BCAR3: variants seen among roughly 807,000 people sequenced by gnomAD.
BCAR3 encodes the protein BCAR3 adaptor protein, NSP family member.
A neutral mutation model predicts 80.1 loss-of-function variants in BCAR3; 37 were observed. The ratio of observed to expected loss-of-function variants is 0.46; its 90% CI spans 0.36 to 0.61. The LOEUF (loss-of-function observed/expected upper bound fraction) is 0.61. Among genes scored for constraint, BCAR3 ranks in the 20% least tolerant of loss-of-function variants. BCAR3 has a pLI of 0.00. For missense variants in BCAR3, 978 were observed against 1,068.2 expected (o/e 0.92, Z 1.18); for synonymous variants, 389 against 418.9 (o/e 0.93, Z 0.87).
chr1:93,732,198 G>A (rs1465654473), intron 2 of BCAR3, among the ~76,000 whole-genome samples: 2 of 152,230 alleles, frequency 1.3e-5, no homozygotes, highest in Admixed American at 6.5e-5. Context: ...AGGGCCCTGG[G>A]GGTGAAACCT....
At chr1:93,577,956 C>G (rs541503905) in intron 7 of BCAR3, among the ~76,000 whole-genome samples, 23 of 152,352 alleles carry the variant, frequency 1.5e-4, no homozygotes, top group African/African-American at 5.5e-4. Context: ...GGATCCCAAG[C>G]TCACACCGCA....
intron 2 of BCAR3, among the ~76,000 whole-genome samples, chr1:93,728,258 T>C (rs1650661388): frequency 6.6e-6 from 1 of 152,204 alleles, no homozygotes; most frequent in African/African-American, 2.4e-5. Flanking sequence ...AGTGGCTCAC[T>C]TCCTTAGTAC....
intron 2 of BCAR3, among the ~76,000 whole-genome samples, chr1:93,658,028 C>T (rs931519013): frequency 3.4e-4 from 51 of 151,942 alleles, no homozygotes; most frequent in Non-Finnish European, 5.7e-4. Context: ...GTAACCTCCG[C>T]CTCCTGGGTT....
At chr1:93,784,214 A>C (rs1652865329) in intron 2 of BCAR3, among the ~76,000 whole-genome samples, 1 of 152,142 alleles carries the variant, frequency 6.6e-6, no homozygotes, top group Admixed American at 6.5e-5. Context: ...AAAAAAAAAA[A>C]AAGATTGACA....
At chr1:93,680,656 CT>C (rs1648709598) in intron 1 of BCAR3, among the ~76,000 whole-genome samples, 1 of 152,260 alleles carries the variant, frequency 6.6e-6, no homozygotes, top group Non-Finnish European at 1.5e-5. Flanking sequence ...GAATGCACGG[CT>C]CTACTTTCCA....
intron 2 of BCAR3, among the ~76,000 whole-genome samples, chr1:93,656,136 CTTTGACTGCT>C (rs1026570762): frequency 6.6e-6 from 1 of 152,104 alleles, no homozygotes; most frequent in African/African-American, 2.4e-5. Context: ...TTTCTTTGCC[CTTTGACTGCT>C]TTTGAGATCT....
intron 3 of BCAR3, chr1:93,594,655 C>CT (rs1199451816): frequency 6.6e-6 from 1 of 152,244 alleles, no homozygotes; most frequent in Admixed American, 6.5e-5. Flanking sequence ...GACCTGACCC[C>CT]CATTGAGTCA....
chr1:93,562,901 G>A (rs1270384649), intron 11 of BCAR3, among the ~76,000 whole-genome samples: 5 of 151,850 alleles, frequency 3.3e-5, no homozygotes, highest in Non-Finnish European at 7.4e-5. Context: ...ATAAGGGAGA[G>A]CAGAGCCCCA....
intron 2 of BCAR3, among the ~76,000 whole-genome samples, chr1:93,718,117 A>C (rs1418991822): frequency 6.6e-6 from 1 of 152,152 alleles, no homozygotes; most frequent in African/African-American, 2.4e-5. Context: ...TAAAATAATA[A>C]ATTTAAACAT....
At chr1:93,763,085 T>C (rs1041660915) in intron 2 of BCAR3, among the ~76,000 whole-genome samples, 1 of 152,168 alleles carries the variant, frequency 6.6e-6, no homozygotes, top group African/African-American at 2.4e-5. Context: ...TTTTGTTTTG[T>C]TTTTTGAGAC....
At position 93,763,695 on chromosome 1, in the gene BCAR3, C is replaced by A. The variant is rs138289627; in HGVS notation, c.-62-57553G>T. 2.8e-4 allele frequency among the ~76,000 whole-genome samples: 43 copies of A among 152,300 alleles called. 1 individual carries two copies. The East Asian group carries it at 7.7e-3, about 27-fold the overall frequency. ...CTCTCTCTCCAGACTCATCCATTTTCACTTGCCCACATGCAGCTTTGCTCC... is the reference window on the plus strand; with the variant it reads ...CTCTCTCTCCAGACTCATCCATTTTAACTTGCCCACATGCAGCTTTGCTCC... On this transcript the variant is annotated intron_variant, in intron 2 of 13. Coordinates refer to the BCAR3 transcript ENST00000370244.
At chr1:93,715,018 T>A (rs1268397416) in intron 2 of BCAR3, among the ~76,000 whole-genome samples, 1 of 152,222 alleles carries the variant, frequency 6.6e-6, no homozygotes, top group Non-Finnish European at 1.5e-5. Flanking sequence ...ACAAAACCTG[T>A]ACAGAATATT....
At position 93,602,842 on chromosome 1, in the gene BCAR3, G is replaced by A. The variant is rs944969305; in HGVS notation, c.358-10449C>T. ...CAAGTTTGAAGACCAGTTACTTCTA[G>A]TACGAGCCCTTGGGTGTTTTCATCT... On this transcript the variant is annotated intron_variant, in intron 3 of 11. Coordinates refer to ENST00000260502, the MANE Select transcript of BCAR3 (RefSeq NM_003567.4). Among the ~76,000 whole-genome samples the A allele has an allele frequency of 5.9e-5, 9 of 152,342 alleles. No homozygotes were observed. In the East Asian group the frequency reaches 7.7e-4, roughly 13 times the overall value.
At chr1:93,773,321 TG>T (rs1652426074) in intron 2 of BCAR3, among the ~76,000 whole-genome samples, 1 of 151,804 alleles carries the variant, frequency 6.6e-6, no homozygotes, top group South Asian at 2.1e-4. Context: ...ATTTCATAGG[TG>T]AAAAAAAAAT....
At chr1:93,740,296 C>T (rs974701848) in intron 2 of BCAR3, among the ~76,000 whole-genome samples, 1 of 152,196 alleles carries the variant, frequency 6.6e-6, no homozygotes, top group African/African-American at 2.4e-5. Context: ...CAGACACAGG[C>T]GTTAACAGCA....
At chr1:93,780,114 G>T (rs1652716237) in intron 2 of BCAR3, among the ~76,000 whole-genome samples, 1 of 152,100 alleles carries the variant, frequency 6.6e-6, no homozygotes, top group East Asian at 1.9e-4. Flanking sequence ...TTTCTTTTCT[G>T]TTCCCTTACA....
chr1:93,745,667 G>C (rs576945641), intron 2 of BCAR3, among the ~76,000 whole-genome samples: 3 of 152,286 alleles, frequency 2.0e-5, no homozygotes, highest in Admixed American at 6.5e-5. Context: ...AACCAGGTGT[G>C]GGGTGGGGAG....
chr1:93,631,336 G>C (rs753915610), intron 3 of BCAR3, among the ~76,000 whole-genome samples: 1 of 152,178 alleles, frequency 6.6e-6, no homozygotes, highest in Admixed American at 6.5e-5. Context: ...TTCCCAATAA[G>C]GTCACCATTC....
intron 2 of BCAR3, among the ~76,000 whole-genome samples, chr1:93,802,613 G>A (rs372637993): frequency 6.6e-6 from 1 of 152,202 alleles, no homozygotes; most frequent in Non-Finnish European, 1.5e-5. Flanking sequence ...AACTTCTGTG[G>A]GTTATGGAAG....
Sources: allele counts gnomAD v4.1 joint callset (sites outside exome capture counted in the v4.1 genomes callset), GRCh38; gene constraint gnomAD v4.1.1; transcripts MANE v1.5; gene names NCBI Gene and HGNC (gene_info 2026-07-23, HGNC 2026-07-21).